Variants in ARHGAP35 observed in about 807,000 individuals in gnomAD.
ARHGAP35 encodes Rho GTPase activating protein 35.
In ARHGAP35, 15 loss-of-function variants were observed where a neutral mutation model predicts 111.1. The observed-to-expected ratio is 0.13, with a 90% CI of 0.09 to 0.21. The LOEUF (loss-of-function observed/expected upper bound fraction) is 0.21. Ranked by LOEUF, ARHGAP35 falls within the 10% of genes least tolerant of loss-of-function variation. The probability of loss-of-function intolerance (pLI) is 1.00; values close to 1 mark genes in which losing one functional copy is unlikely to be tolerated. For synonymous variants in ARHGAP35, 643 were observed against 710.3 expected, an observed-to-expected ratio of 0.91 and a Z score of 1.51; for missense variants, 1,262 against 1,873.0, an observed-to-expected ratio of 0.67 and a Z score of 6.02.
At chr19:46,862,729 C>G (rs900629258) in intron 1 of ARHGAP35, among the ~76,000 whole-genome samples, 5 of 152,154 alleles carry the variant, frequency 3.3e-5, no homozygotes, top group Non-Finnish European at 7.4e-5. Context: ...TCCTTTAACA[C>G]TGGGGTTCTT....
intron 1 of ARHGAP35, among the ~76,000 whole-genome samples, chr19:46,878,355 C>G (rs1167196243): frequency 1.3e-5 from 2 of 152,100 alleles, no homozygotes; most frequent in Middle Eastern, 3.4e-3. Flanking sequence ...GACTCTCACT[C>G]TGTCACCCAG....
chr19:46,984,405 C>T (rs750014157), intron 3 of ARHGAP35, among the ~76,000 whole-genome samples: 2 of 152,200 alleles, frequency 1.3e-5, no homozygotes, highest in African/African-American at 2.4e-5. Flanking sequence ...AGGACCCCAG[C>T]CCTTTTCCTG....
At position 46,914,701 on chromosome 19, in the gene ARHGAP35, TA is replaced by T. The variant is rs2056154948; in HGVS notation, c.-188-3781del. Among the ~76,000 whole-genome samples the T allele has an allele frequency of 3.3e-5, 5 of 152,328 alleles. No homozygotes were observed. The South Asian group carries it at 1.0e-3, about 32-fold the overall frequency. On this transcript the variant is annotated intron_variant, in intron 1 of 6. Coordinates refer to ENST00000672722, the MANE Select transcript of ARHGAP35 (RefSeq NM_004491.5). The stretch of plus-strand genomic sequence containing the variant: ...CTTCAAATAACTGAAAATATGCCAT[TA>T]AAAAATATAACCAAGGTGTTGAATG...
chr19:46,876,377 T>A (rs1044398280), intron 1 of ARHGAP35, among the ~76,000 whole-genome samples: 1 of 149,844 alleles, frequency 6.7e-6, no homozygotes, highest in African/African-American at 2.5e-5. Flanking sequence ...TTTTTTTAAA[T>A]TTTTTTTTTC....
At chr19:46,927,164 C>T (rs1194579205) in intron 2 of ARHGAP35, among the ~76,000 whole-genome samples, 1 of 152,154 alleles carries the variant, frequency 6.6e-6, no homozygotes, top group African/African-American at 2.4e-5. Context: ...ACTTTTGTTT[C>T]CAAGCCGAAG....
rs1178243750 is a variant in ARHGAP35 at position 46,922,294 on chromosome 19, T to C, written c.3619T>C (p.Tyr1207His). The C allele has an allele frequency of 6.2e-7, 1 of 1,613,526 alleles. No homozygotes were observed. Among genetic ancestry groups the C allele is most frequent in the Non-Finnish European group, 8.5e-7 (1 of 1,179,828 alleles). Residue 1207 changes from tyrosine (Y) to histidine (H), a missense_variant, in exon 2 of 7, where the codon TAC becomes CAC. Tyr to His is a moderately conservative substitution (Grantham distance 83). Transcript: ENST00000672722. The surrounding 1 kb of genome is among the most constrained non-coding windows in gnomAD (Gnocchi z 4.0). Reference protein sequence around the residue: ...GYKGDNAVIPYETDEDPRRRN... With the variant: ...GYKGDNAVIPHETDEDPRRRN... ...TAAAGGGGACAATGCTGTCATTCCA[T>C]ACGAAACAGACGAAGACCCGCGGAG...
chr19:46,998,317 C>G (rs570932908), intron 5 of ARHGAP35, among the ~76,000 whole-genome samples: 1 of 152,144 alleles, frequency 6.6e-6, no homozygotes, highest in Non-Finnish European at 1.5e-5. Context: ...GCTGTGAGGT[C>G]GCTGCCATCT....
At chr19:46,930,614 C>G (rs997999123) in intron 2 of ARHGAP35, among the ~76,000 whole-genome samples, 1 of 148,224 alleles carries the variant, frequency 6.7e-6, no homozygotes, top group Non-Finnish European at 1.5e-5. Context: ...TTTTCTGACT[C>G]TAAAATCTAG....
At chr19:46,977,232 G>C (rs1441453677) in intron 3 of ARHGAP35, among the ~76,000 whole-genome samples, 1 of 152,218 alleles carries the variant, frequency 6.6e-6, no homozygotes, top group Non-Finnish European at 1.5e-5. Context: ...CTGGAGACCA[G>C]ACTTAACAGC....
intron 1 of ARHGAP35, among the ~76,000 whole-genome samples, chr19:46,889,277 G>A (rs531658729): frequency 7.9e-5 from 12 of 151,912 alleles, no homozygotes; most frequent in African/African-American, 1.7e-4. Context: ...CATCCTGGCC[G>A]ACATGGTGAA....
chr19:46,960,963 C>T (rs1440960479), intron 3 of ARHGAP35, among the ~76,000 whole-genome samples: 2 of 150,894 alleles, frequency 1.3e-5, no homozygotes, highest in Admixed American at 1.3e-4. Context: ...GGCGCAATCT[C>T]GGCTCACTGC....
intron 1 of ARHGAP35, among the ~76,000 whole-genome samples, chr19:46,895,453 C>T (rs1199889515): frequency 1.3e-5 from 2 of 152,170 alleles, no homozygotes; most frequent in African/African-American, 4.8e-5. Context: ...GCGTGAGCCA[C>T]CGCGCCCAGC....
intron 1 of ARHGAP35, among the ~76,000 whole-genome samples, chr19:46,892,253 G>A (rs1244511282): frequency 3.4e-5 from 5 of 148,270 alleles, no homozygotes; most frequent in East Asian, 2.0e-4. Flanking sequence ...GCAGTGAGCC[G>A]AGATCGCACC....
chr19:46,885,851 C>G (rs2055990877), intron 1 of ARHGAP35, among the ~76,000 whole-genome samples: 1 of 152,080 alleles, frequency 6.6e-6, no homozygotes, highest in South Asian at 2.1e-4. Flanking sequence ...AGGCTGGACT[C>G]GAATTCCCAG....
At chr19:46,863,630 C>T (rs558114412) in intron 1 of ARHGAP35, among the ~76,000 whole-genome samples, 1 of 152,146 alleles carries the variant, frequency 6.6e-6, no homozygotes, top group African/African-American at 2.4e-5. Context: ...GCCAGCAACC[C>T]TAGGAGTGTC....
intron 3 of ARHGAP35, among the ~76,000 whole-genome samples, chr19:46,964,499 C>T (rs1318297346): frequency 6.6e-6 from 1 of 152,194 alleles, no homozygotes; most frequent in Admixed American, 6.5e-5. Context: ...CTCAAGTGAT[C>T]CTCCCACATC....
At chr19:46,932,207 A>C (rs1237983986) in intron 2 of ARHGAP35, among the ~76,000 whole-genome samples, 1 of 152,168 alleles carries the variant, frequency 6.6e-6, no homozygotes, top group African/African-American at 2.4e-5. Flanking sequence ...GCTTGAACTG[A>C]GGAGGCGGAG....
intron 1 of ARHGAP35, among the ~76,000 whole-genome samples, chr19:46,874,782 G>T (rs183627580): frequency 6.9e-6 from 1 of 145,076 alleles, no homozygotes; most frequent in African/African-American, 2.6e-5. Flanking sequence ...GGATACAGGT[G>T]TGAGCCACTG....
At chr19:46,873,076 G>C (rs1051660121) in intron 1 of ARHGAP35, among the ~76,000 whole-genome samples, 6 of 152,240 alleles carry the variant, frequency 3.9e-5, no homozygotes, top group African/African-American at 1.4e-4. Context: ...ATGGCTAGTA[G>C]GTCCCCAAAG....
Sources: gnomAD v4.1 joint callset for allele counts (sites outside exome capture counted in the v4.1 genomes callset) on GRCh38, gnomAD v4.1.1 for gene constraint, Gnocchi (gnomAD v3.1) non-coding constraint, MANE v1.5 for transcripts, NCBI Gene and HGNC (gene_info 2026-07-23, HGNC 2026-07-21) for gene names.